Variants in PTPRG observed in about 807,000 individuals in gnomAD.
The protein encoded by PTPRG is receptor-type tyrosine-protein phosphatase gamma.
In PTPRG, 102 loss-of-function variants were observed where a neutral mutation model predicts 165.3. That is an observed-to-expected ratio of 0.62 (90% CI 0.53 to 0.73). The LOEUF (loss-of-function observed/expected upper bound fraction) is 0.73, where lower values mean the gene tolerates loss of function less well. PTPRG is among the 30% of genes least tolerant of loss of function. The probability of loss-of-function intolerance (pLI) is 0.00; values close to 1 mark genes in which losing one functional copy is unlikely to be tolerated. For synonymous variants in PTPRG, 675 were observed against 669.5 expected (o/e 1.01, Z -0.13); for missense variants, 1,866 against 1,861.4 (o/e 1.00, Z -0.05).
At chr3:62,280,596 C>G (rs1420336871) in intron 26 of PTPRG, among the ~76,000 whole-genome samples, 1 of 151,970 alleles carries the variant, frequency 6.6e-6, no homozygotes, top group African/African-American at 2.4e-5. Context: ...AGAAAACTCT[C>G]ACACACTGTT....
At chr3:62,173,527 G>A (rs1705300799) in intron 8 of PTPRG, among the ~76,000 whole-genome samples, 5 of 152,148 alleles carry the variant, frequency 3.3e-5, no homozygotes, top group African/African-American at 1.2e-4. Context: ...GAAATCATAG[G>A]CTTGTTGTAA....
intron 19 of PTPRG, among the ~76,000 whole-genome samples, chr3:62,268,308 G>A (rs1701949149): frequency 6.6e-6 from 1 of 151,984 alleles, no homozygotes; most frequent in African/African-American, 2.4e-5. Flanking sequence ...TTAAAAAAAT[G>A]ATTAGTGCTG....
At chr3:61,673,725 AT>A (rs777370207) in intron 1 of PTPRG, among the ~76,000 whole-genome samples, 1 of 152,188 alleles carries the variant, frequency 6.6e-6, no homozygotes, top group Non-Finnish European at 1.5e-5. Context: ...CCAGTAAGTA[AT>A]TTCTTATCAT....
intron 2 of PTPRG, among the ~76,000 whole-genome samples, chr3:61,882,578 A>G (rs2037916548): frequency 6.6e-6 from 1 of 152,152 alleles, no homozygotes; most frequent in Admixed American, 6.5e-5. Context: ...TTTTTCTACA[A>G]AAGTCCTGCA....
chr3:62,059,290 C>G (rs961839250), intron 4 of PTPRG, among the ~76,000 whole-genome samples: 1 of 152,202 alleles, frequency 6.6e-6, no homozygotes, highest in Non-Finnish European at 1.5e-5. Flanking sequence ...GACTTGGACT[C>G]TCTCAAATTC....
intron 4 of PTPRG, among the ~76,000 whole-genome samples, chr3:62,010,812 G>A (rs116043067): frequency 0.014 from 2,193 of 152,240 alleles, 47 homozygotes; most frequent in African/African-American, 0.05. Context: ...AACATTTCCA[G>A]TATAACAGTT....
At chr3:61,701,074 C>G (rs1012937735) in intron 1 of PTPRG, among the ~76,000 whole-genome samples, 1 of 152,172 alleles carries the variant, frequency 6.6e-6, no homozygotes, top group African/African-American at 2.4e-5. Flanking sequence ...TGCCCTCAAT[C>G]TCCCTGCCCT....
At chr3:61,768,773 G>C (rs535357250) in intron 2 of PTPRG, among the ~76,000 whole-genome samples, 7 of 151,906 alleles carry the variant, frequency 4.6e-5, no homozygotes, top group Non-Finnish European at 8.8e-5. Flanking sequence ...GTGTGGGGGA[G>C]GGTGTGTTTG....
At chr3:62,170,260 TGAA>T (rs1705166614) in intron 8 of PTPRG, among the ~76,000 whole-genome samples, 1 of 151,216 alleles carries the variant, frequency 6.6e-6, no homozygotes, top group Non-Finnish European at 1.5e-5. Flanking sequence ...TAAAAAAAAA[TGAA>T]GAAAATAACC....
In PTPRG at chr3:61,875,541, A is replaced by G. The variant is rs575901354; in HGVS notation, c.191-114084A>G. Among the ~76,000 whole-genome samples the G allele has an allele frequency of 2.5e-3, 385 of 152,244 alleles. 6 individuals carry two copies. The highest frequency in any genetic ancestry group is 6.8e-3 in the Middle Eastern group (2 of 294). On this transcript the variant is annotated intron_variant, in intron 2 of 29. Coordinates refer to ENST00000474889, the MANE Select transcript of PTPRG (RefSeq NM_002841.4). Reference sequence around the variant, plus strand: ...GCGGCTTGAAAGAGATGTTTGCTCTATATTTATATTTTGGGACTTGGGTAA... The same window carrying G: ...GCGGCTTGAAAGAGATGTTTGCTCTGTATTTATATTTTGGGACTTGGGTAA...
chr3:61,718,836 A>G (rs1325545418), intron 1 of PTPRG, among the ~76,000 whole-genome samples: 1 of 152,204 alleles, frequency 6.6e-6, no homozygotes, highest in East Asian at 1.9e-4. Flanking sequence ...TAATAGAAGC[A>G]TGAAGTTCAA....
At position 61,727,210 on chromosome 3, in the gene PTPRG, AT is replaced by A. The variant is rs59634619; in HGVS notation, c.86-21653del. On this transcript the variant is annotated intron_variant, in intron 1 of 29. Coordinates refer to ENST00000474889, the MANE Select transcript of PTPRG (RefSeq NM_002841.4). ...TAAGTCATTGTAGTGTAAAATCATA[AT>A]TTTTTTTTTTTTTTGAGATGGAGTA... 3.8e-3 allele frequency among the ~76,000 whole-genome samples: 543 copies of A among 144,614 alleles called. 1 individual carries two copies. The highest frequency in any genetic ancestry group is 7.0e-3 in the African/African-American group (280 of 39,810). 94.9% of individuals were successfully genotyped at this position (144,614 alleles called of 152,430 possible).
At chr3:62,159,013 T>G (rs1704642815) in intron 7 of PTPRG, among the ~76,000 whole-genome samples, 1 of 152,160 alleles carries the variant, frequency 6.6e-6, no homozygotes, top group South Asian at 2.1e-4. Flanking sequence ...TGTCAGTTAA[T>G]AAATACTTTT....
intron 2 of PTPRG, among the ~76,000 whole-genome samples, chr3:61,923,791 C>G (rs1317580181): frequency 6.6e-6 from 1 of 150,808 alleles, no homozygotes; most frequent in Non-Finnish European, 1.5e-5. Context: ...CCACCTCAGC[C>G]TCCCAAAACA....
intron 2 of PTPRG, among the ~76,000 whole-genome samples, chr3:61,872,105 T>A (rs1217804622): frequency 6.6e-6 from 1 of 152,226 alleles, no homozygotes; most frequent in Non-Finnish European, 1.5e-5. Flanking sequence ...TCAAAATGTC[T>A]TGTTATGGAA....
At chr3:62,257,086 CAG>C (rs931402081) in intron 16 of PTPRG, among the ~76,000 whole-genome samples, 5 of 152,090 alleles carry the variant, frequency 3.3e-5, no homozygotes, top group African/African-American at 1.2e-4. Flanking sequence ...GGTTTAAAAT[CAG>C]AGCTGTTCAC....
chr3:62,082,160 C>G (rs572265328), intron 5 of PTPRG, among the ~76,000 whole-genome samples: 1 of 152,322 alleles, frequency 6.6e-6, no homozygotes, highest in Admixed American at 6.5e-5. Flanking sequence ...TACCAGTAGT[C>G]CAGATGCTGA....
chr3:62,274,830 T>C lies in PTPRG; in HGVS notation c.3465+986T>C, dbSNP rs150764155. ...TTAATAATGAGGACACAGTGTATCA[T>C]TTTAAATGTTTAACATGAGTTCTTA... On this transcript the variant is annotated intron_variant, in intron 23 of 29. Coordinates refer to ENST00000474889, the MANE Select transcript of PTPRG (RefSeq NM_002841.4). Among the ~76,000 whole-genome samples the C allele has an allele frequency of 5.1e-3, 774 of 152,314 alleles. 6 individuals are homozygous for C. Among genetic ancestry groups the C allele is most frequent in the African/African-American group, 0.018 (743 of 41,578 alleles).
At chr3:62,072,932 G>C (rs1701257676) in intron 4 of PTPRG, among the ~76,000 whole-genome samples, 1 of 152,104 alleles carries the variant, frequency 6.6e-6, no homozygotes, top group African/African-American at 2.4e-5. Context: ...GGAAAATGTA[G>C]GATGAGCCCA....
Sources: allele counts gnomAD v4.1 joint callset (sites outside exome capture counted in the v4.1 genomes callset), GRCh38; gene constraint gnomAD v4.1.1; transcripts MANE v1.5; gene names NCBI Gene and HGNC (gene_info 2026-07-23, HGNC 2026-07-21).